MACROD2: variants seen among roughly 807,000 people sequenced by gnomAD.
MACROD2 encodes mono-ADP ribosylhydrolase 2.
In MACROD2, 36 loss-of-function variants were observed where a neutral mutation model predicts 70.4. That is an observed-to-expected ratio of 0.51 (90% CI 0.39 to 0.68). The LOEUF is 0.68. Ranked by LOEUF, MACROD2 falls within the 30% of genes least tolerant of loss-of-function variation. MACROD2 has a pLI of 0.00. For missense variants in MACROD2, 496 were observed against 538.4 expected (o/e 0.92, Z 0.78); for synonymous variants, 172 against 178.8 (o/e 0.96, Z 0.30).
At chr20:14,506,874 C>A (rs942761301) in intron 4 of MACROD2, among the ~76,000 whole-genome samples, 3 of 152,112 alleles carry the variant, frequency 2.0e-5, no homozygotes, top group African/African-American at 7.2e-5. Context: ...TCACTTGAAC[C>A]CAGGAGGCGG....
chr20:15,622,790 CTT>C (rs1300250318), intron 8 of MACROD2, among the ~76,000 whole-genome samples: 1 of 152,168 alleles, frequency 6.6e-6, no homozygotes, highest in Non-Finnish European at 1.5e-5. Flanking sequence ...ATTCACATAA[CTT>C]TTCTTACGGT....
intron 3 of MACROD2, among the ~76,000 whole-genome samples, chr20:14,492,651 T>A (rs1287637514): frequency 6.6e-6 from 1 of 152,166 alleles, no homozygotes; most frequent in Non-Finnish European, 1.5e-5. Context: ...TGCTACCTAC[T>A]TTCCCTGTAA....
chr20:14,916,269 T>C (rs2074090313), intron 5 of MACROD2, among the ~76,000 whole-genome samples: 1 of 152,152 alleles, frequency 6.6e-6, no homozygotes, highest in Non-Finnish European at 1.5e-5. Flanking sequence ...ACTTTCCTTT[T>C]ACACTCCCTC....
At chr20:14,725,653 A>C (rs1293421868) in intron 5 of MACROD2, among the ~76,000 whole-genome samples, 1 of 152,116 alleles carries the variant, frequency 6.6e-6, no homozygotes, top group Non-Finnish European at 1.5e-5. Context: ...AAGCCAGCAA[A>C]GCTTGTGTTT....
intron 3 of MACROD2, among the ~76,000 whole-genome samples, chr20:14,170,092 C>T (rs2081207703): frequency 1.3e-5 from 2 of 152,264 alleles, no homozygotes; most frequent in East Asian, 3.9e-4. Context: ...TGGGGTTTCA[C>T]CATTTTGGCC....
intron 8 of MACROD2, among the ~76,000 whole-genome samples, chr20:15,543,696 C>T (rs1249785791): frequency 6.6e-6 from 1 of 152,066 alleles, no homozygotes. Context: ...ACACAGTAGG[C>T]ACTTTTTGGC....
intron 4 of MACROD2, among the ~76,000 whole-genome samples, chr20:14,661,637 T>C (rs538188621): frequency 2.2e-4 from 33 of 152,074 alleles, no homozygotes; most frequent in South Asian, 4.1e-4. Context: ...GGCCAAGGTC[T>C]AGAAGGGTTT....
intron 5 of MACROD2, among the ~76,000 whole-genome samples, chr20:14,941,256 G>A (rs905720689): frequency 6.6e-6 from 1 of 151,924 alleles, no homozygotes; most frequent in African/African-American, 2.4e-5. Context: ...TATTTATTGG[G>A]TCTTCTCTCT....
intron 8 of MACROD2, among the ~76,000 whole-genome samples, chr20:15,502,012 C>T (rs2047370884): frequency 6.6e-6 from 1 of 152,086 alleles, no homozygotes; most frequent in African/African-American, 2.4e-5. Context: ...CCCTAAGCAA[C>T]AGATACTTTT....
In MACROD2 at chr20:15,251,604, C is replaced by A. The variant is rs190822981; in HGVS notation, c.540+21543C>A. ...TGGGAAAATCATATTTATGCATAAT[C>A]TCCTTGTTCTCAATGATATTTTATT... is the stretch of plus-strand genomic sequence containing the variant. On this transcript the variant is annotated intron_variant, in intron 6 of 17. Coordinates refer to ENST00000684519, the MANE Select transcript of MACROD2 (RefSeq NM_001351661.2). 1.8e-4 allele frequency among the ~76,000 whole-genome samples: 28 copies of A among 152,286 alleles called. No homozygotes were observed. In the East Asian group the frequency reaches 3.1e-3, roughly 17 times the overall value.
At chr20:15,588,358 G>T (rs2048631743) in intron 8 of MACROD2, among the ~76,000 whole-genome samples, 1 of 152,154 alleles carries the variant, frequency 6.6e-6, no homozygotes, top group Admixed American at 6.5e-5. Flanking sequence ...GTGATGGGAG[G>T]GGCTGCTGTG....
At chr20:15,259,952 A>G (rs1216320786) in intron 6 of MACROD2, among the ~76,000 whole-genome samples, 3 of 151,916 alleles carry the variant, frequency 2.0e-5, no homozygotes, top group Admixed American at 1.3e-4. Flanking sequence ...AACAGAATGG[A>G]GCAAAAAGGA....
At chr20:15,958,926 C>A (rs943911888) in intron 12 of MACROD2, among the ~76,000 whole-genome samples, 1 of 152,090 alleles carries the variant, frequency 6.6e-6, no homozygotes, top group Non-Finnish European at 1.5e-5. Flanking sequence ...CTGGCCAGCA[C>A]CTTGATCTTA....
intron 3 of MACROD2, among the ~76,000 whole-genome samples, chr20:14,467,192 G>A (rs998880751): frequency 2.6e-5 from 4 of 152,158 alleles, no homozygotes; most frequent in Non-Finnish European, 4.4e-5. Context: ...CCCAGTTCGA[G>A]CTTCCTGGCT....
At chr20:15,469,028 A>G (rs1023663010) in intron 7 of MACROD2, among the ~76,000 whole-genome samples, 3 of 152,220 alleles carry the variant, frequency 2.0e-5, no homozygotes, top group African/African-American at 2.4e-5. Flanking sequence ...ACTAGAATAT[A>G]GAAGATATTT....
At chr20:15,059,995 T>G (rs1877235886) in intron 5 of MACROD2, among the ~76,000 whole-genome samples, 1 of 152,168 alleles carries the variant, frequency 6.6e-6, no homozygotes, top group African/African-American at 2.4e-5. Flanking sequence ...AATATAAATA[T>G]GACCGCTGCC....
intron 6 of MACROD2, among the ~76,000 whole-genome samples, chr20:15,425,428 T>C (rs1041274558): frequency 1.3e-5 from 2 of 152,162 alleles, no homozygotes; most frequent in African/African-American, 4.8e-5. Flanking sequence ...AAAATAATGG[T>C]GTTTCTTACA....
chr20:14,514,705 G>GCT (rs2085071930), intron 4 of MACROD2, among the ~76,000 whole-genome samples: 1 of 152,060 alleles, frequency 6.6e-6, no homozygotes, highest in South Asian at 2.1e-4. Flanking sequence ...GAGCAAAGCT[G>GCT]CTCTAGTGTG....
At chr20:15,974,602 T>A (rs2066278036) in intron 13 of MACROD2, among the ~76,000 whole-genome samples, 1 of 152,114 alleles carries the variant, frequency 6.6e-6, no homozygotes, top group East Asian at 1.9e-4. Flanking sequence ...TAGATACATT[T>A]CATTATACAT....
Sources: gnomAD v4.1 joint callset for allele counts (sites outside exome capture counted in the v4.1 genomes callset) on GRCh38, gnomAD v4.1.1 for gene constraint, MANE v1.5 for transcripts, NCBI Gene and HGNC (gene_info 2026-07-23, HGNC 2026-07-21) for gene names.